The following CCDC126 variants were observed in gnomAD, a reference collection of about 807,000 sequenced individuals.
CCDC126 encodes coiled-coil domain containing 126, also known as coiled-coil domain-containing protein 126.
In CCDC126, 5 loss-of-function variants were observed where a neutral mutation model predicts 11.7. The observed-to-expected ratio is 0.43, with a 90% confidence interval of 0.22 to 0.90. The LOEUF (loss-of-function observed/expected upper bound fraction) is 0.90, where lower values mean the gene tolerates loss of function less well. Among genes scored for constraint, CCDC126 ranks in the 40% least tolerant of loss-of-function variants. CCDC126 has a pLI of 0.27. For synonymous variants in CCDC126, 60 were observed against 61.9 expected (o/e 0.97, Z 0.14); for missense variants, 150 against 163.1 (o/e 0.92, Z 0.44).
Position 23,611,336 on chromosome 7 carries a change from A to C in CCDC126, c.21A>C (p.Arg7Ser). The C allele has an allele frequency of 1.2e-6, 2 of 1,611,144 alleles. No individual in the cohort carries two copies. Among genetic ancestry groups the C allele is most frequent in the Non-Finnish European group, 1.7e-6 (2 of 1,177,722 alleles). Residue 7 changes from arginine (R) to serine (S), a missense_variant, in exon 3 of 4, where the codon AGA becomes AGC. Transcript: ENST00000307471. ...CAGAAATGTTTTTTACAATCTCAAG[A>C]AAAAATATGTCCCAGAAATTGAGTT... MFFTIS[R>S]KNMSQKLSLL...
rs1426358118 is a variant in CCDC126 at position 23,644,059 on chromosome 7, A to G, written c.*944A>G. The G allele has an allele frequency of 6.6e-6, 1 of 152,126 alleles. No homozygotes were observed. The highest frequency in any genetic ancestry group is 1.5e-5 in the Non-Finnish European group (1 of 67,970). The allele number at this position is 152,126 out of a possible 1,614,324, so 9.4% of individuals were successfully genotyped here. On this transcript the variant is annotated 3_prime_UTR_variant, in exon 4 of 4. Coordinates refer to ENST00000307471, the MANE Select transcript of CCDC126 (RefSeq NM_138771.4). ...TCTTGAGGACTTTAGCCAGGTGTAT[A>G]TAATAAAGGTACTTTTGTGCTGCAT...
At position 23,644,107 on chromosome 7, in the gene CCDC126, CATT is replaced by C. The variant is rs1227790947; in HGVS notation, c.*995_*997del. 2.6e-5 allele frequency: 4 copies of C among 151,868 alleles called. No individual in the cohort carries two copies. The highest frequency in any genetic ancestry group is 5.9e-5 in the Non-Finnish European group (4 of 67,908). The allele number at this position is 151,868 out of a possible 1,614,324, so 9.4% of individuals were successfully genotyped here. On this transcript the variant is annotated 3_prime_UTR_variant, in exon 4 of 4. Coordinates refer to ENST00000307471, the MANE Select transcript of CCDC126 (RefSeq NM_138771.4). The stretch of plus-strand genomic sequence containing the variant: ...CATTAAATTGCTTGGAAAATGTTAA[CATT>C]ATATTATATAAGAGTATCCTTTATG...
At chr7:23,610,268 G>A (rs1049345056) in intron 2 of CCDC126, among the ~76,000 whole-genome samples, 13 of 152,226 alleles carry the variant, frequency 8.5e-5, no homozygotes, top group Non-Finnish European at 1.9e-4. Context: ...CTGGAGTACA[G>A]TGGAATGATC....
intron 3 of CCDC126, among the ~76,000 whole-genome samples, chr7:23,639,479 A>G (rs1203891285): frequency 3.3e-5 from 5 of 152,206 alleles, no homozygotes; most frequent in Admixed American, 1.3e-4. Context: ...TGCTGGGATT[A>G]CAGGCGTGAG....
chr7:23,629,205 G>A (rs578014688), intron 3 of CCDC126, among the ~76,000 whole-genome samples: 6 of 152,298 alleles, frequency 3.9e-5, no homozygotes, highest in African/African-American at 1.4e-4. Context: ...GTATTAGAAG[G>A]TGGCGTCTTT....
chr7:23,644,524 T>G lies in CCDC126; in HGVS notation c.*1409T>G, dbSNP rs1178637598. ...AATAAATATGTGAAATATTGTTTCA[T>G]GAAAGACAGATTTCCAAATCTCTCT... On this transcript the variant is annotated 3_prime_UTR_variant, in exon 4 of 4. Coordinates refer to ENST00000307471, the MANE Select transcript of CCDC126 (RefSeq NM_138771.4). 1 of 152,540 alleles carries G rather than the reference T, an allele frequency of 6.6e-6. No individual in the cohort carries two copies. The highest frequency in any genetic ancestry group is 2.4e-5 in the African/African-American group (1 of 41,458). The allele number at this position is 152,540 out of a possible 1,614,324, so 9.4% of individuals were successfully genotyped here. A position where few individuals can be genotyped will look rare whatever the true frequency, so the allele number is the denominator to read the frequency against.
Position 23,611,336 on chromosome 7 carries a change from A to G in CCDC126, c.21A>G (p.Arg7=). MFFTIS[R]KNMSQKLSLL... Reference sequence around the variant, plus strand: ...CAGAAATGTTTTTTACAATCTCAAGAAAAAATATGTCCCAGAAATTGAGTT... The same window carrying G: ...CAGAAATGTTTTTTACAATCTCAAGGAAAAATATGTCCCAGAAATTGAGTT... Residue 7 remains arginine, a synonymous_variant, in exon 3 of 4, where the codon AGA becomes AGG. Coordinates refer to ENST00000307471, the MANE Select transcript of CCDC126 (RefSeq NM_138771.4). 6.2e-7 allele frequency: 1 copy of G among 1,611,144 alleles called. No homozygotes were observed. The highest frequency in any genetic ancestry group is 8.5e-7 in the Non-Finnish European group (1 of 1,177,722).
At chr7:23,635,602 T>G (rs1379470590) in intron 3 of CCDC126, among the ~76,000 whole-genome samples, 1 of 152,348 alleles carries the variant, frequency 6.6e-6, no homozygotes, top group Middle Eastern at 3.4e-3. Flanking sequence ...AAGATAGATA[T>G]AATCTCTTAG....
At chr7:23,614,134 C>T (rs1454922904) in intron 3 of CCDC126, among the ~76,000 whole-genome samples, 1 of 152,056 alleles carries the variant, frequency 6.6e-6, no homozygotes, top group Non-Finnish European at 1.5e-5. Context: ...TTTTTTGTAG[C>T]ATGGATTATT....
At position 23,643,172 on chromosome 7, in the gene CCDC126, A is replaced by G; in HGVS notation, c.*57A>G. 6.8e-7 allele frequency: 1 copy of G among 1,470,542 alleles called. No homozygotes were observed. The highest frequency in any genetic ancestry group is 9.3e-7 in the Non-Finnish European group (1 of 1,074,780). The allele number at this position is 1,470,542 out of a possible 1,614,324, so 91.1% of individuals were successfully genotyped here. Reference sequence around the variant, plus strand: ...ACTGTGGATTATATCCTATGGCAGAAAAGCTTTATAATTGCTGGCTTAGGA... The same window carrying G: ...ACTGTGGATTATATCCTATGGCAGAGAAGCTTTATAATTGCTGGCTTAGGA... On this transcript the variant is annotated 3_prime_UTR_variant, in exon 4 of 4. Coordinates refer to ENST00000307471, the MANE Select transcript of CCDC126 (RefSeq NM_138771.4).
At chr7:23,603,243 C>T (rs1027509142) in intron 2 of CCDC126, among the ~76,000 whole-genome samples, 1 of 152,078 alleles carries the variant, frequency 6.6e-6, no homozygotes, top group Non-Finnish European at 1.5e-5. Context: ...ATAAGACTTC[C>T]GAAATCCTTC....
intron 3 of CCDC126, among the ~76,000 whole-genome samples, chr7:23,623,995 A>G (rs1782971925): frequency 6.6e-6 from 1 of 152,174 alleles, no homozygotes; most frequent in Non-Finnish European, 1.5e-5. Context: ...TGTTTTCAGT[A>G]GTACATGGTG....
intron 2 of CCDC126, among the ~76,000 whole-genome samples, chr7:23,602,568 G>T (rs1186220322): frequency 6.6e-6 from 1 of 152,066 alleles, no homozygotes; most frequent in African/African-American, 2.4e-5. Flanking sequence ...ATTTCATGCT[G>T]TGCTTTGGGA....
intron 3 of CCDC126, among the ~76,000 whole-genome samples, chr7:23,625,570 C>T (rs562502776): frequency 3.9e-4 from 58 of 146,844 alleles, no homozygotes; most frequent in African/African-American, 1.4e-3. Flanking sequence ...GTTTGTATTT[C>T]TTGTACATAT....
At chr7:23,627,683 C>T (rs539346598) in intron 3 of CCDC126, among the ~76,000 whole-genome samples, 55 of 152,064 alleles carry the variant, frequency 3.6e-4, no homozygotes, top group Non-Finnish European at 6.8e-4. Flanking sequence ...ACTGCAGCCT[C>T]GACCTCCTGG....
intron 3 of CCDC126, among the ~76,000 whole-genome samples, chr7:23,612,378 G>A (rs1334850437): frequency 2.0e-5 from 3 of 149,888 alleles, no homozygotes; most frequent in African/African-American, 7.4e-5. Flanking sequence ...GGCAGGATGA[G>A]GCAGGAGAAT....
intron 3 of CCDC126, among the ~76,000 whole-genome samples, chr7:23,616,261 G>A (rs1482318119): frequency 6.6e-6 from 1 of 152,162 alleles, no homozygotes; most frequent in Non-Finnish European, 1.5e-5. Flanking sequence ...ATGCCTTCCA[G>A]TCATCTCTGG....
intron 3 of CCDC126, among the ~76,000 whole-genome samples, chr7:23,616,107 A>G (rs2128016864): frequency 6.6e-6 from 1 of 152,328 alleles, no homozygotes; most frequent in East Asian, 1.9e-4. Context: ...AAACTTTTTC[A>G]CCCTAGAGTT....
intron 3 of CCDC126, among the ~76,000 whole-genome samples, chr7:23,620,345 T>C (rs1264716384): frequency 6.6e-6 from 1 of 152,282 alleles, no homozygotes; most frequent in Non-Finnish European, 1.5e-5. Context: ...ATGATGAGCA[T>C]TTTTTCATGT....
Sources: gnomAD v4.1 joint callset for allele counts (sites outside exome capture counted in the v4.1 genomes callset) on GRCh38, gnomAD v4.1.1 for gene constraint, MANE v1.5 for transcripts, NCBI Gene and HGNC (gene_info 2026-07-23, HGNC 2026-07-21) for gene names.